Variants in CDC42BPA observed in about 807,000 individuals in gnomAD.
CDC42BPA encodes the protein serine/threonine-protein kinase MRCK alpha.
A neutral mutation model predicts 223.5 loss-of-function variants in CDC42BPA; 80 were observed. The ratio of observed to expected loss-of-function variants is 0.36; its 90% CI spans 0.30 to 0.43. CDC42BPA has a LOEUF of 0.43. Among genes scored for constraint, CDC42BPA ranks in the 20% least tolerant of loss-of-function variants. CDC42BPA has a pLI of 1.00. For missense variants in CDC42BPA, 1,743 were observed against 2,099.9 expected (o/e 0.83, Z 3.32); for synonymous variants, 694 against 718.6 (o/e 0.97, Z 0.55).
intron 3 of CDC42BPA, among the ~76,000 whole-genome samples, chr1:227,208,974 C>T (rs1298121820): frequency 6.6e-6 from 1 of 151,924 alleles, no homozygotes; most frequent in East Asian, 1.9e-4. Context: ...GATATTGATT[C>T]TTCCTACCCA....
intron 10 of CDC42BPA, among the ~76,000 whole-genome samples, chr1:227,132,594 C>T (rs1304441070): frequency 6.8e-6 from 1 of 147,368 alleles, no homozygotes; most frequent in East Asian, 2.0e-4. Flanking sequence ...GGCCGCCCAT[C>T]GTCTGGGATG....
chr1:227,192,294 T>C (rs572644543), intron 5 of CDC42BPA, among the ~76,000 whole-genome samples: 15 of 125,538 alleles, frequency 1.2e-4, no homozygotes, highest in Admixed American at 2.5e-4. Flanking sequence ...AAACAGTCAC[T>C]GCTGTCTTAG....
chr1:227,276,131 G>T lies in CDC42BPA; in HGVS notation c.179-21976C>A, dbSNP rs535116714. ...TGGGAAGTGAGGAGCGCCTCTTCCC[G>T]GCCGCCATCACGTCTAGGAAGTGAG... On this transcript the variant is annotated intron_variant, in intron 1 of 36. Coordinates refer to ENST00000366766, the MANE Select transcript of CDC42BPA (RefSeq NM_001394014.1). Among the ~76,000 whole-genome samples the T allele has an allele frequency of 6.7e-5, 10 of 149,412 alleles. No homozygotes were observed. In the South Asian group the frequency reaches 1.7e-3, roughly 25 times the overall value.
intron 5 of CDC42BPA, among the ~76,000 whole-genome samples, chr1:227,161,400 T>C (rs535124676): frequency 6.6e-6 from 1 of 152,290 alleles, no homozygotes; most frequent in South Asian, 2.1e-4. Flanking sequence ...CCCAACTCAC[T>C]CTACTTTTAG....
At position 227,112,462 on chromosome 1, in the gene CDC42BPA, A is replaced by T. The variant is rs754857393; in HGVS notation, c.1891-40T>A. On this transcript the variant is annotated intron_variant, in intron 13 of 36. Coordinates refer to ENST00000366766, the MANE Select transcript of CDC42BPA (RefSeq NM_001394014.1). ...GAAAAATGCAGATTTCACGGTTATAATTTTTTTCCAAACAAAACATTTATC... is the reference window on the plus strand; with the variant it reads ...GAAAAATGCAGATTTCACGGTTATATTTTTTTTCCAAACAAAACATTTATC... 7 of 1,430,928 alleles carry T rather than the reference A, an allele frequency of 4.9e-6. No individual in the cohort carries two copies. The South Asian group carries it at 6.7e-5, about 14-fold the overall frequency. The allele number at this position is 1,430,928 out of a possible 1,614,324, so 88.6% of individuals were successfully genotyped here.
chr1:227,220,952 C>CA (rs929675365), intron 2 of CDC42BPA, among the ~76,000 whole-genome samples: 1 of 152,156 alleles, frequency 6.6e-6, no homozygotes, highest in Admixed American at 6.5e-5. Context: ...CACATTTCTC[C>CA]AAAAAGCACA....
chr1:227,090,960 A>C (rs1682961916), intron 16 of CDC42BPA, among the ~76,000 whole-genome samples: 1 of 152,214 alleles, frequency 6.6e-6, no homozygotes, highest in African/African-American at 2.4e-5. Flanking sequence ...AATTTTGTTC[A>C]TGAATATGGC....
At chr1:227,280,940 C>T (rs1393780996) in intron 1 of CDC42BPA, among the ~76,000 whole-genome samples, 1 of 152,150 alleles carries the variant, frequency 6.6e-6, no homozygotes, top group Non-Finnish European at 1.5e-5. Context: ...CTCTCAGGGC[C>T]TCTGCCTCTC....
intron 6 of CDC42BPA, among the ~76,000 whole-genome samples, chr1:227,152,911 A>C (rs559097624): frequency 6.6e-6 from 1 of 152,202 alleles, no homozygotes; most frequent in East Asian, 1.9e-4. Flanking sequence ...AAGAAACTTA[A>C]GGTAGCTACA....
chr1:227,060,233 A>G (rs561214120), intron 21 of CDC42BPA, among the ~76,000 whole-genome samples: 9 of 152,012 alleles, frequency 5.9e-5, no homozygotes, highest in Middle Eastern at 3.4e-3. Context: ...GGGTTTCACC[A>G]TGTTAGCCAG....
intron 16 of CDC42BPA, among the ~76,000 whole-genome samples, chr1:227,090,264 T>A (rs1278285798): frequency 6.6e-6 from 1 of 152,196 alleles, no homozygotes; most frequent in Non-Finnish European, 1.5e-5. Context: ...AAAAAATGTT[T>A]TAAATACTTA....
rs539104245 is a variant in CDC42BPA, at chr1:227,263,771, G to A, written c.179-9616C>T. On this transcript the variant is annotated intron_variant, in intron 1 of 36. Transcript: ENST00000366766. Reference sequence around the variant, plus strand: ...TAATTTTTGTATTTTTAGTAGAGACGGGGTTTCACCATGTTGGCCAGGCTG... The same window carrying A: ...TAATTTTTGTATTTTTAGTAGAGACAGGGTTTCACCATGTTGGCCAGGCTG... Among the ~76,000 whole-genome samples the A allele has an allele frequency of 3.3e-5, 5 of 151,864 alleles. No homozygotes were observed. The South Asian group carries it at 6.3e-4, about 19-fold the overall frequency.
chr1:227,125,271 A>G (rs1689360056), intron 11 of CDC42BPA, among the ~76,000 whole-genome samples: 1 of 151,808 alleles, frequency 6.6e-6, no homozygotes. Context: ...CTAGATTTCC[A>G]ACCTCATGAG....
intron 1 of CDC42BPA, among the ~76,000 whole-genome samples, chr1:227,260,541 A>G (rs1444464151): frequency 7.1e-6 from 1 of 140,730 alleles, no homozygotes; most frequent in Non-Finnish European, 1.5e-5. Flanking sequence ...CACTAGTGAT[A>G]GCTACCATGG....
At chr1:227,121,110 G>C (rs1688593716) in intron 11 of CDC42BPA, among the ~76,000 whole-genome samples, 1 of 152,162 alleles carries the variant, frequency 6.6e-6, no homozygotes, top group Non-Finnish European at 1.5e-5. Flanking sequence ...GTACCAGTTT[G>C]TCGCCCGAGA....
chr1:226,994,189 G>T lies in CDC42BPA; in HGVS notation c.*79C>A. 7.0e-7 allele frequency: 1 copy of T among 1,431,170 alleles called. No homozygotes were observed. Among genetic ancestry groups the T allele is most frequent in the Non-Finnish European group, 9.5e-7 (1 of 1,052,888 alleles). 88.7% of individuals were successfully genotyped at this position (1,431,170 alleles called of 1,614,324 possible). ...CTGGTGGCTTTCAGGCCGAGCAGGC[G>T]AGGTGGAGGGAAGAGATGAAAGTGA... On this transcript the variant is annotated 3_prime_UTR_variant, in exon 37 of 37. Coordinates refer to ENST00000366766, the MANE Select transcript of CDC42BPA (RefSeq NM_001394014.1). The surrounding 1 kb of genome is among the most constrained non-coding windows in gnomAD (Gnocchi z 4.0).
chr1:227,158,112 C>T (rs1275330044), intron 6 of CDC42BPA, among the ~76,000 whole-genome samples: 3 of 152,212 alleles, frequency 2.0e-5, no homozygotes, highest in South Asian at 2.1e-4. Context: ...CAGGCATGTG[C>T]CACCATGCCT....
At chr1:227,185,635 G>A (rs1668645960) in intron 5 of CDC42BPA, among the ~76,000 whole-genome samples, 1 of 152,048 alleles carries the variant, frequency 6.6e-6, no homozygotes, top group Non-Finnish European at 1.5e-5. Context: ...CTGTCTCTTG[G>A]CTTTGGAGCC....
Position 227,317,555 on chromosome 1 carries a change from T to C in CDC42BPA, c.-373A>G. Reference sequence around the variant, plus strand: ...TCTTCTCCTTCATTCAAAATTCAACTCGTGCAACGTAATCCTGAAACGAAT... The same window carrying C: ...TCTTCTCCTTCATTCAAAATTCAACCCGTGCAACGTAATCCTGAAACGAAT... On this transcript the variant is annotated 5_prime_UTR_variant, in exon 1 of 37. Transcript: ENST00000366766. The C allele has an allele frequency of 2.5e-6, 1 of 396,252 alleles. No homozygotes were observed. Among genetic ancestry groups the C allele is most frequent in the Non-Finnish European group, 4.4e-6 (1 of 225,666 alleles). 24.5% of individuals were successfully genotyped at this position (396,252 alleles called of 1,614,324 possible).
Sources: allele counts gnomAD v4.1 joint callset (sites outside exome capture counted in the v4.1 genomes callset), GRCh38; gene constraint gnomAD v4.1.1; non-coding constraint Gnocchi (gnomAD v3.1); transcripts MANE v1.5; gene names NCBI Gene and HGNC (gene_info 2026-07-23, HGNC 2026-07-21).